BDH1: variants seen among roughly 807,000 people sequenced by gnomAD.
BDH1 encodes the protein D-beta-hydroxybutyrate dehydrogenase, mitochondrial.
Under a neutral mutation model 33.1 loss-of-function variants are expected in BDH1, and 30 were observed. The observed-to-expected ratio is 0.91, with a 90% CI of 0.68 to 1.23. The LOEUF (loss-of-function observed/expected upper bound fraction) is 1.23. Ranked by LOEUF, BDH1 falls within the 50% of genes most tolerant of loss-of-function variation. The pLI, the probability that BDH1 is intolerant of heterozygous loss-of-function variation, is 0.00. For synonymous variants in BDH1, 190 were observed against 183.6 expected, an observed-to-expected ratio of 1.03 and a Z score of -0.28; for missense variants, 443 against 464.4, an observed-to-expected ratio of 0.95 and a Z score of 0.42.
At chr3:197,513,721 A>G (rs770763561) in intron 7 of BDH1, among the ~76,000 whole-genome samples, 7 of 152,096 alleles carry the variant, frequency 4.6e-5, no homozygotes, top group Admixed American at 1.3e-4. Flanking sequence ...TTTTGCCACA[A>G]TTGTTTGCTA....
chr3:197,513,551 C>T (rs1422618616), intron 7 of BDH1, among the ~76,000 whole-genome samples: 3 of 151,322 alleles, frequency 2.0e-5, no homozygotes, highest in Admixed American at 6.6e-5. Flanking sequence ...GGTGTGTCCC[C>T]GGGAGGGAAC....
chr3:197,572,666 G>A (rs925779662), intron 1 of BDH1, among the ~76,000 whole-genome samples: 2 of 152,190 alleles, frequency 1.3e-5, no homozygotes, highest in Non-Finnish European at 2.9e-5. Flanking sequence ...GAGCCCACGA[G>A]TTTGAGGCTG....
chr3:197,546,007 G>A (rs1716045618), intron 3 of BDH1: 1 of 168,094 alleles, frequency 5.9e-6, no homozygotes, highest in Admixed American at 5.9e-5. Context: ...CATGGTGGCA[G>A]GTGCCTGTAA....
intron 6 of BDH1, chr3:197,515,742 T>C: frequency 1.0e-6 from 1 of 965,954 alleles, no homozygotes; most frequent in Non-Finnish European, 1.2e-6. Flanking sequence ...AACTCTATCC[T>C]GTAATACAAA....
At position 197,511,778 on chromosome 3, in the gene BDH1, G is replaced by T; in HGVS notation, c.*117C>A. 1 of 1,019,558 alleles carries T rather than the reference G, an allele frequency of 9.8e-7. No individual in the cohort carries two copies. The highest frequency in any genetic ancestry group is 2.6e-5 in the East Asian group (1 of 38,774). 63.2% of individuals were successfully genotyped at this position (1,019,558 alleles called of 1,614,324 possible). A position where few individuals can be genotyped will look rare whatever the true frequency, so the allele number is the denominator to read the frequency against. On this transcript the variant is annotated 3_prime_UTR_variant, in exon 8 of 8. Transcript: ENST00000392379. ...TCTAGTTAGTGTTAAAACCAGTTAT[G>T]GGTCTTCCTGGCATGGTGGATAATC...
chr3:197,567,274 A>T (rs1442592491), intron 1 of BDH1, among the ~76,000 whole-genome samples: 1 of 152,236 alleles, frequency 6.6e-6, no homozygotes, highest in Non-Finnish European at 1.5e-5. Flanking sequence ...AAAGGAAGAT[A>T]AATCTTGGGG....
chr3:197,567,469 T>A (rs1717470115), intron 1 of BDH1, among the ~76,000 whole-genome samples: 1 of 152,202 alleles, frequency 6.6e-6, no homozygotes, highest in Non-Finnish European at 1.5e-5. Context: ...ACCCGTGACC[T>A]GGAAGCCCCC....
intron 1 of BDH1, among the ~76,000 whole-genome samples, chr3:197,561,396 C>T (rs1263995300): frequency 6.7e-6 from 1 of 150,322 alleles, no homozygotes; most frequent in Non-Finnish European, 1.5e-5. Context: ...AAGATTTCCT[C>T]TTTCCATGAC....
At position 197,514,765 on chromosome 3, in the gene BDH1, A is replaced by C. The variant is rs1712507924; in HGVS notation, c.410-349T>G. On this transcript the variant is annotated intron_variant, in intron 6 of 7. Transcript: ENST00000392379. This position sits in a 1 kb window ranked among gnomAD's most constrained non-coding sequence, Gnocchi z 4.2. ...CCACTCCACCCCATCCCATCCCCACACCCTGAGTTTGAGTTTCACGCCCCG... is the reference window on the plus strand; with the variant it reads ...CCACTCCACCCCATCCCATCCCCACCCCCTGAGTTTGAGTTTCACGCCCCG... 6.6e-6 allele frequency among the ~76,000 whole-genome samples: 1 copy of C among 150,770 alleles called. No homozygotes were observed. The highest frequency in any genetic ancestry group is 1.5e-5 in the Non-Finnish European group (1 of 67,744).
intron 5 of BDH1, among the ~76,000 whole-genome samples, chr3:197,532,039 T>C (rs1714712449): frequency 6.6e-6 from 1 of 152,134 alleles, no homozygotes; most frequent in Non-Finnish European, 1.5e-5. Flanking sequence ...CGCCGAACAT[T>C]CTCGCACACC....
In BDH1 at chr3:197,533,503, TG is replaced by T; in HGVS notation, c.141del (p.Ser48ValfsTer40). 1 of 1,614,240 alleles carries T rather than the reference TG, an allele frequency of 6.2e-7. No homozygotes were observed. The highest frequency in any genetic ancestry group is 8.5e-7 in the Non-Finnish European group (1 of 1,180,030). On this transcript the variant is annotated frameshift_variant, in exon 4 of 8. Transcript: ENST00000392379. LOFTEE classifies it high-confidence loss of function. ...SFIPIGRRTY[A>X]SAAEPVGSKA... ...CTTCCACTCACCGGCTCCGCCGCACTGGCATAAGTCCGACGGCCAATCGGGA... is the reference window on the plus strand; with the variant it reads ...CTTCCACTCACCGGCTCCGCCGCACTGCATAAGTCCGACGGCCAATCGGGA...
At chr3:197,540,118 T>C (rs1715476086) in intron 3 of BDH1, among the ~76,000 whole-genome samples, 1 of 152,028 alleles carries the variant, frequency 6.6e-6, no homozygotes, top group African/African-American at 2.4e-5. Flanking sequence ...TGGCACAACC[T>C]TGGCTCACTG....
At chr3:197,569,304 A>G (rs932521714) in intron 1 of BDH1, among the ~76,000 whole-genome samples, 39 of 151,934 alleles carry the variant, frequency 2.6e-4, no homozygotes, top group African/African-American at 9.4e-4. Context: ...AGAATTTTTT[A>G]TAATCAGCTG....
chr3:197,560,421 T>C, upstream of BDH1, among the ~76,000 whole-genome samples: 1 of 152,206 alleles, frequency 6.6e-6, no homozygotes, highest in East Asian at 1.9e-4. Flanking sequence ...CTTCCTTTGT[T>C]CTCCTCTGCC....
upstream of BDH1, chr3:197,556,178 G>A (rs998054122): frequency 2.0e-5 from 3 of 152,294 alleles, no homozygotes; most frequent in Admixed American, 6.5e-5. Flanking sequence ...CCGCTGGGCG[G>A]GGGCGAGGGC....
At chr3:197,540,629 A>G (rs1241310012) in intron 3 of BDH1, among the ~76,000 whole-genome samples, 1 of 152,146 alleles carries the variant, frequency 6.6e-6, no homozygotes, top group Admixed American at 6.5e-5. Context: ...AGATTGTGCC[A>G]CTGTACTCCA....
chr3:197,566,175 A>G (rs1002652640), intron 1 of BDH1, among the ~76,000 whole-genome samples: 1 of 152,250 alleles, frequency 6.6e-6, no homozygotes, highest in Admixed American at 6.5e-5. Context: ...AGTTATTTGC[A>G]TAAGTGCAAT....
intron 3 of BDH1, among the ~76,000 whole-genome samples, chr3:197,540,849 C>T (rs896729733): frequency 6.6e-6 from 1 of 152,154 alleles, no homozygotes; most frequent in African/African-American, 2.4e-5. Context: ...GTCAATGGCG[C>T]ATTTCTACTC....
intron 7 of BDH1, 67 bp from the exon 8 acceptor site, chr3:197,512,431 G>T: frequency 1.3e-6 from 2 of 1,502,192 alleles, no homozygotes; most frequent in Non-Finnish European, 1.8e-6. Flanking sequence ...CAGAAGTCTG[G>T]CATGTCTCTA....
Sources: gnomAD v4.1 joint callset for allele counts (sites outside exome capture counted in the v4.1 genomes callset) on GRCh38, gnomAD v4.1.1 for gene constraint, Gnocchi (gnomAD v3.1) non-coding constraint, MANE v1.5 for transcripts, NCBI Gene and HGNC (gene_info 2026-07-23, HGNC 2026-07-21) for gene names.